OR7E24: variants seen among roughly 807,000 people sequenced by gnomAD.
OR7E24 encodes the protein olfactory receptor 7E24.
For missense variants in OR7E24, 385 were observed against 410.3 expected (o/e 0.94, Z 0.53); for synonymous variants, 130 against 157.5 (o/e 0.83, Z 1.31).
the OR7E24 span, chr19:9,210,150 C>T: frequency 6.6e-6 from 1 of 152,148 alleles, no homozygotes; most frequent in Non-Finnish European, 1.5e-5. Flanking sequence ...CATTTGTGCC[C>T]TCATATTTAC....
At chr19:9,210,262 G>A in the OR7E24 span, 1 of 152,014 alleles carries the variant, frequency 6.6e-6, no homozygotes, top group Non-Finnish European at 1.5e-5. Context: ...GACAAATATT[G>A]TTGAGTACCT....
At chr19:9,239,006 T>G in the OR7E24 span, among the ~76,000 whole-genome samples, 1 of 152,208 alleles carries the variant, frequency 6.6e-6, no homozygotes, top group Non-Finnish European at 1.5e-5. Context: ...CTCAACATAC[T>G]GCTTTCATAT....
chr19:9,226,936 T>A, the OR7E24 span, among the ~76,000 whole-genome samples: 687 of 152,228 alleles, frequency 4.5e-3, 4 homozygotes, highest in African/African-American at 0.016. Flanking sequence ...AGTGCAGGTT[T>A]GTCACATAGG....
chr19:9,215,857 A>G, the OR7E24 span, among the ~76,000 whole-genome samples: 3 of 152,216 alleles, frequency 2.0e-5, no homozygotes, highest in African/African-American at 7.2e-5. Context: ...ATTCTGATCC[A>G]TGCATTAGTC....
At chr19:9,245,102 C>A (rs747975620), upstream of OR7E24, among the ~76,000 whole-genome samples, 1 of 152,126 alleles carries the variant, frequency 6.6e-6, no homozygotes, top group Non-Finnish European at 1.5e-5. Context: ...ATAGTCCCAG[C>A]TACTCAGGAG....
the OR7E24 span, among the ~76,000 whole-genome samples, chr19:9,239,365 G>A: frequency 1.3e-5 from 2 of 151,900 alleles, no homozygotes; most frequent in Admixed American, 1.3e-4. Context: ...GTAGAGACGG[G>A]GCTTCACCGT....
chr19:9,211,001 A>G, the OR7E24 span: 3 of 152,246 alleles, frequency 2.0e-5, no homozygotes, highest in Non-Finnish European at 2.9e-5. Flanking sequence ...CTGACAGTAC[A>G]ATGTCTTGAA....
At chr19:9,235,461 G>A in the OR7E24 span, 2 of 1,606,052 alleles carry the variant, frequency 1.2e-6, no homozygotes, top group African/African-American at 2.7e-5. Context: ...TTTAAATGAT[G>A]TTTGCTGGAA....
At chr19:9,224,695 G>A in the OR7E24 span, among the ~76,000 whole-genome samples, 2 of 152,056 alleles carry the variant, frequency 1.3e-5, no homozygotes, top group Non-Finnish European at 2.9e-5. Flanking sequence ...AACTGGGGAG[G>A]TGGAGGTTGC....
the OR7E24 span, among the ~76,000 whole-genome samples, chr19:9,217,431 A>G: frequency 9.9e-5 from 15 of 152,236 alleles, no homozygotes; most frequent in African/African-American, 3.6e-4. Context: ...TTAATTAAAG[A>G]TGGAAAAATA....
the OR7E24 span, chr19:9,214,325 G>C: frequency 6.2e-7 from 1 of 1,614,156 alleles, no homozygotes; most frequent in Non-Finnish European, 8.5e-7. Flanking sequence ...GAATCTCAGT[G>C]CCTGTGGAGA....
At chr19:9,221,600 C>G in the OR7E24 span, among the ~76,000 whole-genome samples, 6 of 151,988 alleles carry the variant, frequency 3.9e-5, no homozygotes, top group Admixed American at 3.3e-4. Flanking sequence ...ATCCGCTCTC[C>G]TCTGCCTCTC....
At chr19:9,237,500 A>G in the OR7E24 span, among the ~76,000 whole-genome samples, 5 of 151,340 alleles carry the variant, frequency 3.3e-5, no homozygotes, top group African/African-American at 1.2e-4. Flanking sequence ...TTTTTTTAGT[A>G]GAGACGGGGT....
the OR7E24 span, among the ~76,000 whole-genome samples, chr19:9,215,524 A>G: frequency 6.6e-6 from 1 of 152,088 alleles, no homozygotes; most frequent in Non-Finnish European, 1.5e-5. Context: ...TAGATGTACA[A>G]TAGTTATTAA....
the OR7E24 span, among the ~76,000 whole-genome samples, chr19:9,229,559 G>GA: frequency 4.0e-5 from 6 of 151,196 alleles, no homozygotes; most frequent in South Asian, 8.4e-4. Context: ...AGAAAGAAAA[G>GA]AAAAAAAGAA....
chr19:9,246,512 GTGTT>G (rs2066131013), upstream of OR7E24, among the ~76,000 whole-genome samples: 1 of 144,466 alleles, frequency 6.9e-6, no homozygotes, highest in South Asian at 2.2e-4. Context: ...GTGTGTGTGT[GTGTT>G]TTCTTCTCCC....
the OR7E24 span, among the ~76,000 whole-genome samples, chr19:9,227,475 G>A: frequency 1.3e-5 from 2 of 152,014 alleles, no homozygotes; most frequent in Non-Finnish European, 2.9e-5. Flanking sequence ...TGATCCACAC[G>A]CCTTGGGCTC....
At chr19:9,208,424 G>C in the OR7E24 span, 1 of 152,314 alleles carries the variant, frequency 6.6e-6, no homozygotes, top group East Asian at 1.9e-4. Context: ...ATGTGCTGAT[G>C]AAATAAAGCT....
the OR7E24 span, chr19:9,212,410 C>G: frequency 6.6e-6 from 1 of 151,898 alleles, no homozygotes; most frequent in South Asian, 2.1e-4. Context: ...TTGCAGGATG[C>G]AAATTAGGAT....
Sources: gnomAD v4.1 joint callset for allele counts (sites outside exome capture counted in the v4.1 genomes callset) on GRCh38, gnomAD v4.1.1 for gene constraint, MANE v1.5 for transcripts, NCBI Gene and HGNC (gene_info 2026-07-23, HGNC 2026-07-21) for gene names.